Variants in CCDC92B observed in about 807,000 individuals in gnomAD.
CCDC92B encodes coiled-coil domain containing 92B.
Under a neutral mutation model 5.6 loss-of-function variants are expected in CCDC92B, and 2 were observed. That is an observed-to-expected ratio of 0.36 (90% CI 0.15 to 1.12). CCDC92B has a LOEUF of 1.12. CCDC92B is among the 50% of genes most tolerant of loss of function. The pLI is 0.40. For missense variants in CCDC92B, 271 were observed against 262.2 expected (o/e 1.03, Z -0.23); for synonymous variants, 115 against 122.3 (o/e 0.94, Z 0.39).
In CCDC92B at chr17:2,723,927, T is replaced by TGGGGAGGAAGAAGGCTTGGC. The variant is rs1231882324; in HGVS notation, c.*464_*483dup. 1.1e-6 allele frequency: 1 copy of TGGGGAGGAAGAAGGCTTGGC among 936,720 alleles called. No homozygotes were observed. The highest frequency in any genetic ancestry group is 1.2e-6 in the Non-Finnish European group (1 of 816,242). The allele number at this position is 936,720 out of a possible 1,614,324, so 58.0% of individuals were successfully genotyped here. ...ACCAGCCCCTAGCCTGGGCCTCTCCTGGGGAGGAAGAAGGCTTGGCGGGAA... is the reference window on the plus strand; with the variant it reads ...ACCAGCCCCTAGCCTGGGCCTCTCCTGGGGAGGAAGAAGGCTTGGCGGGGAGGAAGAAGGCTTGGCGGGAA... On this transcript the variant is annotated 3_prime_UTR_variant, in exon 4 of 4. Transcript: ENST00000614400.
chr17:2,724,065 A>G lies in CCDC92B; in HGVS notation c.*346T>C, dbSNP rs2070692307. Reference sequence around the variant, plus strand: ...CGAGCCCAGCCCTCCCCACCCCACCAAGGATTGTCGGCTTTCCCGGGGAAG... The same window carrying G: ...CGAGCCCAGCCCTCCCCACCCCACCGAGGATTGTCGGCTTTCCCGGGGAAG... On this transcript the variant is annotated 3_prime_UTR_variant, in exon 4 of 4. Transcript: ENST00000614400. The surrounding 1 kb of genome is among the most constrained non-coding windows in gnomAD (Gnocchi z 5.0). 31 of 831,536 alleles carry G rather than the reference A, an allele frequency of 3.7e-5. No homozygotes were observed. The highest frequency in any genetic ancestry group is 4.2e-5 in the Non-Finnish European group (29 of 692,508). The allele number at this position is 831,536 out of a possible 1,614,324, so 51.5% of individuals were successfully genotyped here. A position where few individuals can be genotyped will look rare whatever the true frequency, so the allele number is the denominator to read the frequency against.
intron 2 of CCDC92B, among the ~76,000 whole-genome samples, chr17:2,734,695 G>A (rs1310117698): frequency 2.6e-5 from 4 of 151,926 alleles, no homozygotes; most frequent in Non-Finnish European, 4.4e-5. Flanking sequence ...TCACCATGTT[G>A]TCCAGGATGG....
intron 1 of CCDC92B, among the ~76,000 whole-genome samples, chr17:2,741,366 C>T (rs559731925): frequency 1.2e-4 from 18 of 151,944 alleles, no homozygotes; most frequent in Non-Finnish European, 2.6e-4. Flanking sequence ...GTTCACATGG[C>T]GTCTTGAAAA....
intron 2 of CCDC92B, among the ~76,000 whole-genome samples, chr17:2,732,484 C>T (rs569348881): frequency 6.6e-6 from 1 of 151,854 alleles, no homozygotes; most frequent in East Asian, 1.9e-4. Context: ...TGGGAGGCCA[C>T]GGTGGGCAGA....
chr17:2,726,645 A>G (rs1314356406), intron 3 of CCDC92B, among the ~76,000 whole-genome samples: 1 of 145,074 alleles, frequency 6.9e-6, no homozygotes, highest in African/African-American at 2.6e-5. Flanking sequence ...GCAGAGTCTC[A>G]CTCTGTCACC....
intron 2 of CCDC92B, among the ~76,000 whole-genome samples, chr17:2,734,682 G>A (rs2070838303): frequency 6.6e-6 from 1 of 152,006 alleles, no homozygotes. Context: ...TAGAGATGGG[G>A]TTTCACCATG....
In CCDC92B at chr17:2,748,291, T is replaced by C. The variant is rs144729151; in HGVS notation, c.-24+1120A>G. Reference sequence around the variant, plus strand: ...TGACCCATCCTTCAGGGCCTTGCTCTGATGTGACTTTTACCATGAAGCCAT... The same window carrying C: ...TGACCCATCCTTCAGGGCCTTGCTCCGATGTGACTTTTACCATGAAGCCAT... On this transcript the variant is annotated intron_variant, in intron 1 of 3. Coordinates refer to ENST00000614400, the MANE Select transcript of CCDC92B (RefSeq NM_001355573.2). 5.4e-4 allele frequency: 621 copies of C among 1,143,830 alleles called. 1 individual carries two copies. The highest frequency in any genetic ancestry group is 6.7e-4 in the Non-Finnish European group (572 of 854,030). The allele number at this position is 1,143,830 out of a possible 1,614,324, so 70.9% of individuals were successfully genotyped here.
rs2071030792 is a variant in CCDC92B, at chr17:2,749,570, C to CTCCGG, written c.-184_-183insCCGGA. On this transcript the variant is annotated 5_prime_UTR_variant, in exon 1 of 4. Coordinates refer to ENST00000614400, the MANE Select transcript of CCDC92B (RefSeq NM_001355573.2). ...CTGGGAGGCTGCGGGGCAGTCGGGCCGGGGCTCCGGGGGGCTCGGGGGCGC... is the reference window on the plus strand; with the variant it reads ...CTGGGAGGCTGCGGGGCAGTCGGGCCTCCGGGGGGCTCCGGGGGGCTCGGGGGCGC... The CTCCGG allele has an allele frequency of 7.2e-6, 1 of 138,346 alleles. No homozygotes were observed. Among genetic ancestry groups the CTCCGG allele is most frequent in the Admixed American group, 7.1e-5 (1 of 14,144 alleles). The allele number at this position is 138,346 out of a possible 1,614,324, so 8.6% of individuals were successfully genotyped here.
rs1395150374 is a variant in CCDC92B, at chr17:2,722,037, TAGTG to T, written c.*2370_*2373del. The T allele has an allele frequency of 6.6e-6, 1 of 151,928 alleles. No homozygotes were observed. Among genetic ancestry groups the T allele is most frequent in the East Asian group, 1.9e-4 (1 of 5,156 alleles). 9.4% of individuals were successfully genotyped at this position (151,928 alleles called of 1,614,324 possible). On this transcript the variant is annotated 3_prime_UTR_variant, in exon 4 of 4. Transcript: ENST00000614400. ...GCCAGGCGGACGGAGCTATGGCTTT[TAGTG>T]GGTGGGTGGGCAGATAGAGTACTTC... is the stretch of plus-strand genomic sequence containing the variant.
In CCDC92B at chr17:2,724,133, A is replaced by T. The variant is rs1216961918; in HGVS notation, c.*278T>A. On this transcript the variant is annotated 3_prime_UTR_variant, in exon 4 of 4. Transcript: ENST00000614400. The surrounding 1 kb of genome is among the most constrained non-coding windows in gnomAD (Gnocchi z 5.0). ...TCCTGTCTCACAGGCAGGTGGGACCAGGCCAGGATCGGGACGGCGAGTCCT... is the reference window on the plus strand; with the variant it reads ...TCCTGTCTCACAGGCAGGTGGGACCTGGCCAGGATCGGGACGGCGAGTCCT... 2.0e-6 allele frequency: 2 copies of T among 984,648 alleles called. No homozygotes were observed. Among genetic ancestry groups the T allele is most frequent in the Non-Finnish European group, 1.2e-6 (1 of 829,694 alleles). The allele number at this position is 984,648 out of a possible 1,614,324, so 61.0% of individuals were successfully genotyped here.
At chr17:2,733,313 G>A (rs774313521) in intron 2 of CCDC92B, among the ~76,000 whole-genome samples, 22 of 149,054 alleles carry the variant, frequency 1.5e-4, no homozygotes, top group Non-Finnish European at 2.7e-4. Flanking sequence ...AGGCTGGAGT[G>A]CAATGGCATG....
chr17:2,741,937 G>A (rs1161720804), intron 1 of CCDC92B, among the ~76,000 whole-genome samples: 1 of 138,548 alleles, frequency 7.2e-6, no homozygotes, highest in African/African-American at 2.7e-5. Flanking sequence ...AGTGAGCCGA[G>A]ATCACGCCAC....
At chr17:2,729,473 G>A (rs370231419) in intron 3 of CCDC92B, among the ~76,000 whole-genome samples, 5 of 121,400 alleles carry the variant, frequency 4.1e-5, no homozygotes, top group African/African-American at 1.3e-4. Flanking sequence ...CAGCCTGGGC[G>A]ACAAGAGCGA....
intron 1 of CCDC92B, among the ~76,000 whole-genome samples, chr17:2,743,573 C>T (rs2070948857): frequency 6.6e-6 from 1 of 152,224 alleles, no homozygotes; most frequent in African/African-American, 2.4e-5. Context: ...TCCCTCTGTC[C>T]TCATCCTGCT....
At chr17:2,732,784 T>C (rs1331327066) in intron 2 of CCDC92B, among the ~76,000 whole-genome samples, 5 of 149,936 alleles carry the variant, frequency 3.3e-5, no homozygotes, top group Admixed American at 6.7e-5. Flanking sequence ...GAGGCCGAGG[T>C]GGGCGGATCA....
At chr17:2,734,166 C>T (rs570456168) in intron 2 of CCDC92B, among the ~76,000 whole-genome samples, 38 of 152,240 alleles carry the variant, frequency 2.5e-4, no homozygotes, top group African/African-American at 8.2e-4. Flanking sequence ...CGTGCTGTTC[C>T]CTTCATCTGG....
At position 2,724,847 on chromosome 17, in the gene CCDC92B, C is replaced by T. The variant is rs1272899947; in HGVS notation, c.332G>A (p.Arg111His). ...LRCSLRTEERRFLEELRRRSH... is the reference protein window; with the variant it reads ...LRCSLRTEERHFLEELRRRSH... ...GCGGCGGCGCAGCTCCTCCAGGAAG[C>T]GGCGCTCCTCGGTGCGCAGGCTGCA... Residue 111 changes from arginine (R) to histidine (H), a missense_variant, in exon 4 of 4, where the codon CGC becomes CAC. Physicochemically the swap from Arg to His is conservative, Grantham distance 29 (BLOSUM62 0). Transcript: ENST00000614400. The surrounding 1 kb of genome is among the most constrained non-coding windows in gnomAD (Gnocchi z 5.0). 5.1e-6 allele frequency: 5 copies of T among 985,124 alleles called. No homozygotes were observed. The highest frequency in any genetic ancestry group is 1.1e-4 in the East Asian group (1 of 8,772). The allele number at this position is 985,124 out of a possible 1,614,324, so 61.0% of individuals were successfully genotyped here.
At chr17:2,733,744 CTTTTTTTTTTTTTT>C (rs386385447) in intron 2 of CCDC92B, among the ~76,000 whole-genome samples, 591 of 49,344 alleles carry the variant, frequency 0.012, 18 homozygotes, top group Middle Eastern at 0.062. Flanking sequence ...GGACCACTGG[CTTTTTTTTTTTTTT>C]TTTTTTTTTT....
intron 1 of CCDC92B, among the ~76,000 whole-genome samples, chr17:2,741,918 G>A (rs1282132676): frequency 1.4e-5 from 2 of 147,616 alleles, no homozygotes; most frequent in East Asian, 2.1e-4. Flanking sequence ...ACCAGGACGC[G>A]GAGGTTGCAG....
Sources: gnomAD v4.1 joint callset for allele counts (sites outside exome capture counted in the v4.1 genomes callset) on GRCh38, gnomAD v4.1.1 for gene constraint, Gnocchi (gnomAD v3.1) non-coding constraint, MANE v1.5 for transcripts, NCBI Gene and HGNC (gene_info 2026-07-23, HGNC 2026-07-21) for gene names.